The following FRMD4A variants were observed in gnomAD, a reference collection of about 807,000 sequenced individuals.
The protein encoded by FRMD4A is FERM domain-containing protein 4A.
FRMD4A carries 29 observed loss-of-function variants against 129.1 expected under a neutral mutation model. The ratio of observed to expected loss-of-function variants is 0.22; its 90% confidence interval spans 0.17 to 0.31. The LOEUF (loss-of-function observed/expected upper bound fraction) is 0.31. Ranked by LOEUF, FRMD4A falls within the 10% of genes least tolerant of loss-of-function variation. The probability of loss-of-function intolerance (pLI) is 1.00; values close to 1 mark genes in which losing one functional copy is unlikely to be tolerated. For missense variants in FRMD4A, 1,272 were observed against 1,375.8 expected (o/e 0.92, Z 1.19); for synonymous variants, 634 against 571.6 (o/e 1.11, Z -1.56).
At chr10:14,095,267 T>C (rs895506763) in intron 2 of FRMD4A, among the ~76,000 whole-genome samples, 4 of 152,078 alleles carry the variant, frequency 2.6e-5, no homozygotes, top group African/African-American at 9.7e-5. Flanking sequence ...CTCTTCAGAG[T>C]AAATGTTTCT....
At chr10:13,868,276 T>C (rs2094399347) in intron 2 of FRMD4A, among the ~76,000 whole-genome samples, 1 of 152,080 alleles carries the variant, frequency 6.6e-6, no homozygotes, top group Non-Finnish European at 1.5e-5. Flanking sequence ...TTTATTATCA[T>C]TGTAATATGA....
intron 2 of FRMD4A, among the ~76,000 whole-genome samples, chr10:14,210,583 T>A (rs932962933): frequency 2.0e-5 from 3 of 152,134 alleles, no homozygotes; most frequent in African/African-American, 7.2e-5. Flanking sequence ...GAGCACCTAA[T>A]ATGTGCCAGC....
At chr10:13,969,436 T>C (rs1335760238) in intron 2 of FRMD4A, among the ~76,000 whole-genome samples, 4 of 152,232 alleles carry the variant, frequency 2.6e-5, no homozygotes, top group Non-Finnish European at 2.9e-5. Context: ...CAGGAATGTA[T>C]TCTTTTTCCA....
chr10:14,140,533 C>G (rs776858916), intron 2 of FRMD4A, among the ~76,000 whole-genome samples: 1 of 152,160 alleles, frequency 6.6e-6, no homozygotes, highest in African/African-American at 2.4e-5. Context: ...GGTACACGAC[C>G]TTTCCACTTA....
intron 4 of FRMD4A, among the ~76,000 whole-genome samples, chr10:13,799,789 C>T (rs1465844802): frequency 6.6e-6 from 1 of 152,122 alleles, no homozygotes; most frequent in African/African-American, 2.4e-5. Flanking sequence ...TCCTTGATTG[C>T]CTAAGTCTGG....
At chr10:14,263,237 C>T (rs144783710) in intron 2 of FRMD4A, among the ~76,000 whole-genome samples, 27 of 152,322 alleles carry the variant, frequency 1.8e-4, no homozygotes, top group Non-Finnish European at 3.2e-4. Context: ...GTTCCCTCCC[C>T]GCCAGCCCCG....
At chr10:13,715,463 C>T (rs1260667924) in intron 12 of FRMD4A, among the ~76,000 whole-genome samples, 1 of 152,226 alleles carries the variant, frequency 6.6e-6, no homozygotes, top group African/African-American at 2.4e-5. Context: ...CACTTACCGG[C>T]TGTGTATTCT....
intron 5 of FRMD4A, among the ~76,000 whole-genome samples, chr10:13,790,143 G>A (rs576592361): frequency 2.7e-5 from 4 of 149,182 alleles, no homozygotes; most frequent in South Asian, 2.2e-4. Flanking sequence ...GAGGGAACAG[G>A]AGGAGGCAAG....
intron 2 of FRMD4A, among the ~76,000 whole-genome samples, chr10:14,177,310 G>A (rs1016189409): frequency 2.6e-5 from 4 of 151,918 alleles, no homozygotes; most frequent in African/African-American, 9.7e-5. Context: ...TGATTCCCGT[G>A]CCTCAGCCTC....
intron 2 of FRMD4A, among the ~76,000 whole-genome samples, chr10:14,107,928 G>A (rs577506662): frequency 6.6e-6 from 1 of 152,304 alleles, no homozygotes; most frequent in Admixed American, 6.5e-5. Flanking sequence ...TTAGGAATAA[G>A]TGTTTTTGTA....
chr10:14,292,623 C>A (rs182328556), intron 2 of FRMD4A, among the ~76,000 whole-genome samples: 35 of 152,178 alleles, frequency 2.3e-4, no homozygotes, highest in Admixed American at 2.0e-3. Flanking sequence ...CATGGTGAAA[C>A]CCTGTCTCTA....
intron 5 of FRMD4A, among the ~76,000 whole-genome samples, chr10:13,794,570 A>C (rs1356662009): frequency 6.6e-6 from 1 of 152,150 alleles, no homozygotes; most frequent in Non-Finnish European, 1.5e-5. Flanking sequence ...TGAAGTACTC[A>C]GGTGGGGCTC....
chr10:14,300,407 T>C (rs948503689), intron 2 of FRMD4A, among the ~76,000 whole-genome samples: 5 of 152,182 alleles, frequency 3.3e-5, no homozygotes, highest in Non-Finnish European at 7.4e-5. Flanking sequence ...GTTTAGACAG[T>C]CTGCAATTTT....
At chr10:13,997,131 T>C (rs948845818) in intron 2 of FRMD4A, among the ~76,000 whole-genome samples, 2 of 152,208 alleles carry the variant, frequency 1.3e-5, no homozygotes, top group Non-Finnish European at 2.9e-5. Flanking sequence ...AATTGGTCTT[T>C]CATCTTCTCT....
intron 2 of FRMD4A, among the ~76,000 whole-genome samples, chr10:14,104,567 G>A (rs549030515): frequency 2.0e-4 from 30 of 152,176 alleles, no homozygotes; most frequent in Non-Finnish European, 3.1e-4. Flanking sequence ...CGGTGGCCCC[G>A]CTCAGTGGCC....
chr10:13,766,105 G>A lies in FRMD4A; in HGVS notation c.385-3425C>T, dbSNP rs1026643715. ...AAGATGTCTCTACCTGCGCGGAGGC[G>A]GGTAACACGAAGGAAGGTCTTTTAT... is the stretch of plus-strand genomic sequence containing the variant. On this transcript the variant is annotated intron_variant, in intron 6 of 24. Coordinates refer to ENST00000357447, the MANE Select transcript of FRMD4A (RefSeq NM_018027.5). 2.6e-5 allele frequency among the ~76,000 whole-genome samples: 4 copies of A among 152,206 alleles called. No individual in the cohort carries two copies. The South Asian group carries it at 6.2e-4, about 24-fold the overall frequency.
chr10:13,655,651 C>G (rs73588485), intron 22 of FRMD4A: 12,054 of 152,202 alleles, frequency 0.079, 500 homozygotes, highest in African/African-American at 0.1. Context: ...CACCAAGAAT[C>G]TCCTACAGTT....
At chr10:14,039,475 T>TATATTGGAACCCCAAAATCA (rs1565204821) in intron 2 of FRMD4A, among the ~76,000 whole-genome samples, 4 of 141,312 alleles carry the variant, frequency 2.8e-5, no homozygotes, top group African/African-American at 1.1e-4. Context: ...TCTATCTATC[T>TATATTGGAACCCCAAAATCA]ATCTATCTAT....
At chr10:14,328,215 C>A (rs189960121) in intron 2 of FRMD4A, among the ~76,000 whole-genome samples, 10 of 152,038 alleles carry the variant, frequency 6.6e-5, no homozygotes, top group Admixed American at 2.6e-4. Context: ...GAACACGATC[C>A]TTTTTTCCGG....
Sources: gnomAD v4.1 joint callset for allele counts (sites outside exome capture counted in the v4.1 genomes callset) on GRCh38, gnomAD v4.1.1 for gene constraint, MANE v1.5 for transcripts, NCBI Gene and HGNC (gene_info 2026-07-23, HGNC 2026-07-21) for gene names.